Variants in PAPSS2 observed in about 807,000 individuals in gnomAD.
PAPSS2 encodes 3'-phosphoadenosine 5'-phosphosulfate synthase 2.
In PAPSS2, 61 loss-of-function variants were observed where a neutral mutation model predicts 66.5. That is an observed-to-expected ratio of 0.92 (90% CI 0.75 to 1.14). The LOEUF is 1.14. PAPSS2 is among the 50% of genes most tolerant of loss of function. The pLI, the probability that PAPSS2 is intolerant of heterozygous loss-of-function variation, is 0.00. For synonymous variants in PAPSS2, 289 were observed against 287.5 expected (o/e 1.01, Z -0.05); for missense variants, 708 against 789.6 (o/e 0.90, Z 1.24).
rs1168113244 is a variant in PAPSS2 at position 87,745,192 on chromosome 10, A to G, written c.1682A>G (p.Asn561Ser). 1 of 1,613,976 alleles carries G rather than the reference A, an allele frequency of 6.2e-7. No individual in the cohort carries two copies. Among genetic ancestry groups the G allele is most frequent in the Non-Finnish European group, 8.5e-7 (1 of 1,179,906 alleles). The stretch of plus-strand genomic sequence containing the variant: ...ATTCCATTCCGAGTGGCTGCCTACA[A>G]CAAAGCCAAAAAAGCCATGGACTTC... ...EIIPFRVAAY[N>S]KAKKAMDFYD... The change falls in exon 12 of 13, where the codon AAC (asparagine) becomes AGC (serine). Residue 561 changes from asparagine to serine, a missense_variant. Physicochemically the swap from Asn to Ser is conservative, Grantham distance 46. Transcript: ENST00000456849.
chr10:87,670,743 A>T (rs1029017106), intron 1 of PAPSS2, among the ~76,000 whole-genome samples: 1 of 152,228 alleles, frequency 6.6e-6, no homozygotes, highest in African/African-American at 2.4e-5. Flanking sequence ...GTGTCTTCAC[A>T]GTGGGATACA....
At chr10:87,727,010 G>A (rs373872989) in intron 8 of PAPSS2, among the ~76,000 whole-genome samples, 1 of 152,128 alleles carries the variant, frequency 6.6e-6, no homozygotes, top group Non-Finnish European at 1.5e-5. Context: ...CCACAAAGAG[G>A]CGTTTCCAAA....
chr10:87,666,796 A>G (rs763485254), intron 1 of PAPSS2, among the ~76,000 whole-genome samples: 70 of 151,222 alleles, frequency 4.6e-4, no homozygotes, highest in Non-Finnish European at 8.6e-4. Context: ...TGTCCCCACT[A>G]CTCCCAGGAG....
chr10:87,744,244 A>G (rs1853909713), intron 11 of PAPSS2, among the ~76,000 whole-genome samples: 1 of 152,196 alleles, frequency 6.6e-6, no homozygotes. Context: ...CTAATATTCA[A>G]TTTCAGAAGT....
intron 1 of PAPSS2, among the ~76,000 whole-genome samples, chr10:87,696,251 T>C (rs1234304935): frequency 6.6e-6 from 1 of 152,252 alleles, no homozygotes; most frequent in Admixed American, 6.5e-5. Flanking sequence ...ATTGTCCTGT[T>C]TCAAAAAACA....
chr10:87,718,723 T>C (rs113652578), intron 7 of PAPSS2, among the ~76,000 whole-genome samples: 7 of 152,236 alleles, frequency 4.6e-5, no homozygotes, highest in African/African-American at 1.7e-4. Context: ...TTGCAGTTTA[T>C]GGACTCTTCT....
At chr10:87,699,480 G>T (rs192607114) in intron 1 of PAPSS2, among the ~76,000 whole-genome samples, 2 of 152,270 alleles carry the variant, frequency 1.3e-5, no homozygotes, top group East Asian at 3.9e-4. Context: ...ACTTGATTTG[G>T]TTATTGTTCT....
chr10:87,713,114 T>C lies in PAPSS2; in HGVS notation c.185T>C (p.Leu62Pro). 6.2e-7 allele frequency: 1 copy of C among 1,613,172 alleles called. No individual in the cohort carries two copies. Among genetic ancestry groups the C allele is most frequent in the African/African-American group, 1.3e-5 (1 of 74,930 alleles). The change falls in exon 3 of 13, where the codon CTG (leucine) becomes CCG (proline). Residue 62 changes from leucine (L) to proline (P), a missense_variant. By Grantham distance (98) the Leu-to-Pro change is moderately conservative (BLOSUM62 -3). Coordinates refer to ENST00000456849, the MANE Select transcript of PAPSS2 (RefSeq NM_001015880.2). ...GGAAAAACAACGATAAGTTTTGCCC[T>C]GGAGGAGTACCTTGTCTCCCATGCC... Reference protein sequence around the residue: ...GAGKTTISFALEEYLVSHAIP... With the variant: ...GAGKTTISFAPEEYLVSHAIP...
At chr10:87,676,560 TG>T (rs1035423065) in intron 1 of PAPSS2, among the ~76,000 whole-genome samples, 6 of 140,024 alleles carry the variant, frequency 4.3e-5, no homozygotes, top group African/African-American at 1.5e-4. Flanking sequence ...TAATTAGCTT[TG>T]TACCTTTTCA....
In PAPSS2 at chr10:87,745,820, AC is replaced by A. The variant is rs759667926; in HGVS notation, c.1722-9del. On this transcript the variant is annotated splice_polypyrimidine_tract_variant and intron_variant, in intron 12 of 12. Transcript: ENST00000456849. ...TACCTACACTGAGTTCTTTGTTGCC[AC>A]CCTGTAACAGGCACAATGAGTTTGA... 1.4e-5 allele frequency: 23 copies of A among 1,613,842 alleles called. No individual in the cohort carries two copies. Among genetic ancestry groups the A allele is most frequent in the Non-Finnish European group, 1.9e-5 (22 of 1,179,914 alleles).
chr10:87,705,747 T>A (rs969105124), intron 1 of PAPSS2, among the ~76,000 whole-genome samples: 1 of 151,852 alleles, frequency 6.6e-6, no homozygotes, highest in African/African-American at 2.4e-5. Context: ...CTTATTTTTT[T>A]TTTTGAGATG....
chr10:87,706,503 T>C (rs1853391740), intron 1 of PAPSS2, among the ~76,000 whole-genome samples: 1 of 150,418 alleles, frequency 6.6e-6, no homozygotes, highest in Non-Finnish European at 1.5e-5. Flanking sequence ...CTGCCTGTAA[T>C]CCTAGTACTT....
chr10:87,718,885 TC>T (rs1414386028), intron 7 of PAPSS2, among the ~76,000 whole-genome samples: 4 of 152,224 alleles, frequency 2.6e-5, no homozygotes, highest in African/African-American at 4.8e-5. Context: ...CCAGTGTGGC[TC>T]TGTCAGGAGG....
chr10:87,701,394 TTC>T (rs1171684716), intron 1 of PAPSS2, among the ~76,000 whole-genome samples: 299 of 84,478 alleles, frequency 3.5e-3, no homozygotes, highest in Non-Finnish European at 4.4e-3. Context: ...CTTTCTTTCT[TTC>T]TCTTTCTTTC....
At chr10:87,678,073 A>T (rs893534490) in intron 1 of PAPSS2, among the ~76,000 whole-genome samples, 1 of 152,232 alleles carries the variant, frequency 6.6e-6, no homozygotes, top group African/African-American at 2.4e-5. Flanking sequence ...ACTTCTAAGT[A>T]TAATACACAT....
intron 1 of PAPSS2, among the ~76,000 whole-genome samples, chr10:87,661,908 A>G (rs747358664): frequency 3.3e-5 from 5 of 152,218 alleles, no homozygotes; most frequent in African/African-American, 1.2e-4. Context: ...AGTTCCCAAA[A>G]GGGCTAGATA....
intron 1 of PAPSS2, among the ~76,000 whole-genome samples, chr10:87,689,356 C>CA (rs1241667466): frequency 1.4e-4 from 17 of 125,030 alleles, no homozygotes; most frequent in African/African-American, 2.3e-4. Flanking sequence ...AAAAAAAAAA[C>CA]AAAAAAAACC....
At chr10:87,724,849 T>TACACACACACACACACACACACAC (rs1468115844) in intron 8 of PAPSS2, among the ~76,000 whole-genome samples, 15 of 52,072 alleles carry the variant, frequency 2.9e-4, no homozygotes, top group African/African-American at 5.2e-4. Flanking sequence ...AATCTCTGTC[T>TACACACACACACACACACACACAC]ATACACACAC....
Position 87,659,899 on chromosome 10 carries a change from T to TGCTGCTGCTGCC in PAPSS2, c.-75_-74insTGCCGCTGCTGC, listed in dbSNP as rs1554860714. 458 of 1,415,912 alleles carry TGCTGCTGCTGCC rather than the reference T, an allele frequency of 3.2e-4. 1 individual carries two copies. In the African/African-American group the frequency reaches 5.6e-3, roughly 17 times the overall value. 87.7% of individuals were successfully genotyped at this position (1,415,912 alleles called of 1,614,324 possible). Reference sequence around the variant, plus strand: ...CGGCAGCCGCTGCTGCTGCTGCTGCTGCTGCTGCCGCCGCCGCCGCCGCCG... The same window carrying TGCTGCTGCTGCC: ...CGGCAGCCGCTGCTGCTGCTGCTGCTGCTGCTGCTGCCGCTGCTGCCGCCGCCGCCGCCGCCG... On this transcript the variant is annotated 5_prime_UTR_variant, in exon 1 of 13. Coordinates refer to ENST00000456849, the MANE Select transcript of PAPSS2 (RefSeq NM_001015880.2).
Sources: allele counts gnomAD v4.1 joint callset (sites outside exome capture counted in the v4.1 genomes callset), GRCh38; gene constraint gnomAD v4.1.1; transcripts MANE v1.5; gene names NCBI Gene and HGNC (gene_info 2026-07-23, HGNC 2026-07-21).